The following LPIN1 variants were observed in gnomAD, a reference collection of about 807,000 sequenced individuals.
LPIN1 encodes phosphatidate phosphatase LPIN1.
A neutral mutation model predicts 107.5 loss-of-function variants in LPIN1; 71 were observed. The ratio of observed to expected loss-of-function variants is 0.66; its 90% confidence interval spans 0.55 to 0.80. The LOEUF (loss-of-function observed/expected upper bound fraction) is 0.80. Among genes scored for constraint, LPIN1 ranks in the 30% least tolerant of loss-of-function variants. The pLI, the probability that LPIN1 is intolerant of heterozygous loss-of-function variation, is 0.00. For missense variants in LPIN1, 1,043 were observed against 1,160.6 expected, an observed-to-expected ratio of 0.90 and a Z score of 1.47; for synonymous variants, 445 against 452.6, an observed-to-expected ratio of 0.98 and a Z score of 0.21.
rs1410671395 is a variant in LPIN1 at position 11,707,537 on chromosome 2, G to A, written c.82-6219G>A. On this transcript the variant is annotated intron_variant, in intron 1 of 21. Coordinates refer to the LPIN1 transcript ENST00000449576. The surrounding 1 kb of genome is among the most constrained non-coding windows in gnomAD (Gnocchi z 4.2). ...ATCTAACATTCCAGAAGGTTCCTGTGGCTGCTGTGAGGAGCAGAGCTGATG... is the reference window on the plus strand; with the variant it reads ...ATCTAACATTCCAGAAGGTTCCTGTAGCTGCTGTGAGGAGCAGAGCTGATG... 6.6e-6 allele frequency among the ~76,000 whole-genome samples: 1 copy of A among 152,218 alleles called. No homozygotes were observed. The highest frequency in any genetic ancestry group is 1.5e-5 in the Non-Finnish European group (1 of 68,042).
intron 8 of LPIN1, among the ~76,000 whole-genome samples, chr2:11,782,873 GC>G: frequency 6.6e-6 from 1 of 152,246 alleles, no homozygotes; most frequent in Non-Finnish European, 1.5e-5. Context: ...TTGCTTTCCA[GC>G]CCCTTACCCA....
At chr2:11,773,485 C>A in intron 4 of LPIN1, 135 bp from the exon 5 acceptor site, 1 of 766,024 alleles carries the variant, frequency 1.3e-6, no homozygotes, top group South Asian at 1.5e-5. Context: ...CCTCCACTGC[C>A]TGGAACAGAT....
chr2:11,755,838 C>T (rs906501104), intron 1 of LPIN1, among the ~76,000 whole-genome samples: 10 of 151,982 alleles, frequency 6.6e-5, no homozygotes, highest in African/African-American at 2.4e-4. Context: ...TCTCCTGCCT[C>T]AGCCTCCTGA....
intron 1 of LPIN1, among the ~76,000 whole-genome samples, chr2:11,679,042 G>T (rs553459618): frequency 2.6e-5 from 4 of 152,212 alleles, no homozygotes; most frequent in Non-Finnish European, 5.9e-5. Flanking sequence ...AATGGCACTC[G>T]CATCTTCCCA....
intron 1 of LPIN1, among the ~76,000 whole-genome samples, chr2:11,759,231 G>C (rs1473779085): frequency 2.7e-5 from 4 of 149,310 alleles, no homozygotes; most frequent in Non-Finnish European, 5.9e-5. Flanking sequence ...TTCTTGCAGA[G>C]GGGGATTTGG....
chr2:11,799,140 C>T (rs1335607310), intron 14 of LPIN1, among the ~76,000 whole-genome samples: 1 of 152,156 alleles, frequency 6.6e-6, no homozygotes, highest in African/African-American at 2.4e-5. Flanking sequence ...CGTGTACTTG[C>T]CCTAAGCCGA....
In LPIN1 at chr2:11,697,085, T is replaced by C. The variant is rs183274303; in HGVS notation, c.82-16671T>C. On this transcript the variant is annotated intron_variant, in intron 1 of 21. Coordinates refer to the LPIN1 transcript ENST00000449576. The surrounding 1 kb of genome is among the most constrained non-coding windows in gnomAD (Gnocchi z 4.6). Reference sequence around the variant, plus strand: ...CTCTTTGTTCCTCAGCCCCAAGCTGTATCTGGTGAGAACAGATGCGTAGTC... The same window carrying C: ...CTCTTTGTTCCTCAGCCCCAAGCTGCATCTGGTGAGAACAGATGCGTAGTC... 2.6e-5 allele frequency among the ~76,000 whole-genome samples: 4 copies of C among 152,352 alleles called. No individual in the cohort carries two copies. Among genetic ancestry groups the C allele is most frequent in the Admixed American group, 2.6e-4 (4 of 15,308 alleles).
intron 3 of LPIN1, among the ~76,000 whole-genome samples, chr2:11,769,768 C>G (rs1407030723): frequency 6.6e-6 from 1 of 152,176 alleles, no homozygotes; most frequent in Non-Finnish European, 1.5e-5. Flanking sequence ...ACAGATGAAG[C>G]ACCTTAAAGG....
At chr2:11,767,342 C>A in intron 2 of LPIN1, 1 of 211,596 alleles carries the variant, frequency 4.7e-6, no homozygotes, top group Non-Finnish European at 9.6e-6. Flanking sequence ...CTCTCACCAG[C>A]CATGTGACCC....
chr2:11,795,491 C>T lies in LPIN1; in HGVS notation c.1886+4C>T, dbSNP rs774682203. On this transcript the variant is annotated splice_donor_region_variant and intron_variant, in intron 14 of 20. Coordinates refer to ENST00000674199, the MANE Select transcript of LPIN1 (RefSeq NM_001349206.2). The stretch of plus-strand genomic sequence containing the variant: ...CGCAGCTCAGCTTGGCCACCAGGTG[C>T]GGTAGGAGGCTTCTTGGGATGTTTG... 23 of 1,613,618 alleles carry T rather than the reference C, an allele frequency of 1.4e-5. No homozygotes were observed. The highest frequency in any genetic ancestry group is 5.3e-5 in the African/African-American group (4 of 75,028).
chr2:11,707,648 C>T lies in LPIN1; in HGVS notation c.82-6108C>T, dbSNP rs572527039. 2.6e-5 allele frequency among the ~76,000 whole-genome samples: 4 copies of T among 152,178 alleles called. 1 individual carries two copies. The highest frequency in any genetic ancestry group is 4.2e-4 in the South Asian group (2 of 4,806). On this transcript the variant is annotated intron_variant, in intron 1 of 21. Transcript: ENST00000449576. The surrounding 1 kb of genome is among the most constrained non-coding windows in gnomAD (Gnocchi z 4.2). ...CTGGGACTGGGTGGTGGTGCACGCACGGGGAGAAGTGCTCGGGGTCCCCCA... is the reference window on the plus strand; with the variant it reads ...CTGGGACTGGGTGGTGGTGCACGCATGGGGAGAAGTGCTCGGGGTCCCCCA...
chr2:11,815,683 G>A (rs1285542837), intron 18 of LPIN1, among the ~76,000 whole-genome samples: 3 of 152,012 alleles, frequency 2.0e-5, no homozygotes, highest in South Asian at 2.1e-4. Flanking sequence ...GGATCCTTAA[G>A]TGGCCTGTCT....
At chr2:11,797,168 A>G (rs1676867715) in intron 14 of LPIN1, among the ~76,000 whole-genome samples, 1 of 152,244 alleles carries the variant, frequency 6.6e-6, no homozygotes, top group Non-Finnish European at 1.5e-5. Context: ...TCTTGGCAAT[A>G]ATTTCTAAAC....
intron 20 of LPIN1, among the ~76,000 whole-genome samples, chr2:11,821,566 T>C (rs1681531991): frequency 6.6e-6 from 1 of 152,156 alleles, no homozygotes; most frequent in South Asian, 2.1e-4. Context: ...GCCCGAGGGG[T>C]TCCTCTTTAT....
At chr2:11,702,617 A>C (rs759501927) in intron 1 of LPIN1, among the ~76,000 whole-genome samples, 1 of 152,246 alleles carries the variant, frequency 6.6e-6, no homozygotes, top group Non-Finnish European at 1.5e-5. Flanking sequence ...GGAAATCTTC[A>C]TGCATGCCCA....
chr2:11,720,392 C>A (rs1664042446), upstream of LPIN1, among the ~76,000 whole-genome samples: 1 of 152,148 alleles, frequency 6.6e-6, no homozygotes, highest in Non-Finnish European at 1.5e-5. Context: ...CCTATAGCAT[C>A]TGTCTGCTGG....
intron 1 of LPIN1, among the ~76,000 whole-genome samples, chr2:11,752,598 A>AT (rs1237452636): frequency 2.7e-5 from 4 of 149,632 alleles, no homozygotes; most frequent in African/African-American, 7.5e-5. Flanking sequence ...CGCCCGGCTA[A>AT]TTTTTTGTAT....
intron 13 of LPIN1, among the ~76,000 whole-genome samples, chr2:11,794,738 C>A (rs1676368551): frequency 6.6e-6 from 1 of 152,200 alleles, no homozygotes; most frequent in Admixed American, 6.5e-5. Flanking sequence ...CCTCCTTTGC[C>A]TGCTATGTGC....
intron 18 of LPIN1, 87 bp downstream of exon 18, chr2:11,815,327 C>T: frequency 2.7e-6 from 4 of 1,478,424 alleles, no homozygotes; most frequent in Non-Finnish European, 3.7e-6. Flanking sequence ...GAATAGCCTC[C>T]TCACTGGTCT....
Sources: gnomAD v4.1 joint callset for allele counts (sites outside exome capture counted in the v4.1 genomes callset) on GRCh38, gnomAD v4.1.1 for gene constraint, Gnocchi (gnomAD v3.1) non-coding constraint, MANE v1.5 for transcripts, NCBI Gene and HGNC (gene_info 2026-07-23, HGNC 2026-07-21) for gene names.